Variants in GSS observed in about 807,000 individuals in gnomAD.
GSS encodes the protein glutathione synthetase.
In GSS, 34 loss-of-function variants were observed where a neutral mutation model predicts 60.4. That is an observed-to-expected ratio of 0.56 (90% confidence interval 0.43 to 0.75). The LOEUF is 0.75. Among genes scored for constraint, GSS ranks in the 30% least tolerant of loss-of-function variants. The probability of loss-of-function intolerance (pLI) is 0.00; values close to 1 mark genes in which losing one functional copy is unlikely to be tolerated. For missense variants in GSS, 499 were observed against 595.1 expected, an observed-to-expected ratio of 0.84 and a Z score of 1.68; for synonymous variants, 224 against 239.0, an observed-to-expected ratio of 0.94 and a Z score of 0.58.
intron 1 of GSS, among the ~76,000 whole-genome samples, chr20:34,954,086 C>T (rs1340510725): frequency 6.6e-6 from 1 of 152,228 alleles, no homozygotes; most frequent in Non-Finnish European, 1.5e-5. Flanking sequence ...GACAAGAACC[C>T]ATTACCTTGA....
chr20:34,952,394 C>A lies in GSS; in HGVS notation c.-8-534G>T, dbSNP rs557923952. On this transcript the variant is annotated intron_variant, in intron 1 of 12. Coordinates refer to ENST00000651619, the MANE Select transcript of GSS (RefSeq NM_000178.4). Reference sequence around the variant, plus strand: ...AGATTCCTGGGCCCCATCCCAGAGACTCTGATGCAAGAGGCCTGATGGGAA... The same window carrying A: ...AGATTCCTGGGCCCCATCCCAGAGAATCTGATGCAAGAGGCCTGATGGGAA... 21 of 166,634 alleles carry A rather than the reference C, an allele frequency of 1.3e-4. 1 individual carries two copies. Among genetic ancestry groups the A allele is most frequent in the Non-Finnish European group, 2.1e-4 (16 of 75,714 alleles). The allele number at this position is 166,634 out of a possible 1,614,324, so 10.3% of individuals were successfully genotyped here.
intron 2 of GSS, among the ~76,000 whole-genome samples, chr20:34,948,228 G>T (rs1354030774): frequency 6.6e-6 from 1 of 152,112 alleles, no homozygotes; most frequent in African/African-American, 2.4e-5. Flanking sequence ...TACATAAGGG[G>T]TGACCTAATA....
In GSS at chr20:34,928,488, C is replaced by T; in HGVS notation, c.*340G>A. ...GAATTAGGGAAAGGCTATGCCCCTCCACTCCCCCTCCTCCTACCACTCAGT... is the reference window on the plus strand; with the variant it reads ...GAATTAGGGAAAGGCTATGCCCCTCTACTCCCCCTCCTCCTACCACTCAGT... On this transcript the variant is annotated 3_prime_UTR_variant, in exon 13 of 13. Transcript: ENST00000651619. 1 of 425,110 alleles carries T rather than the reference C, an allele frequency of 2.4e-6. No individual in the cohort carries two copies. The highest frequency in any genetic ancestry group is 4.4e-6 in the Non-Finnish European group (1 of 227,674). The allele number at this position is 425,110 out of a possible 1,614,324, so 26.3% of individuals were successfully genotyped here.
At chr20:34,953,292 C>T (rs1005117875) in intron 1 of GSS, among the ~76,000 whole-genome samples, 7 of 151,112 alleles carry the variant, frequency 4.6e-5, no homozygotes, top group African/African-American at 1.7e-4. Context: ...TCAGCTCTGT[C>T]CCCCTGTCCC....
chr20:34,931,225 C>T (rs1232391907), intron 11 of GSS, 111 bp downstream of exon 11: 15 of 877,962 alleles, frequency 1.7e-5, no homozygotes, highest in East Asian at 1.5e-4. Context: ...GTGTCAGTTC[C>T]AATAGTTTCC....
At chr20:34,949,731 T>C (rs1354585759) in intron 2 of GSS, 1 of 152,212 alleles carries the variant, frequency 6.6e-6, no homozygotes, top group Non-Finnish European at 1.5e-5. Context: ...TTATCTCTGT[T>C]GTGGTGAGGA....
chr20:34,932,099 T>C lies in GSS; in HGVS notation c.869A>G (p.His290Arg), dbSNP rs1369356960. 18 of 1,613,940 alleles carry C rather than the reference T, an allele frequency of 1.1e-5. No homozygotes were observed. Among genetic ancestry groups the C allele is most frequent in the East Asian group, 2.2e-5 (1 of 44,878 alleles). Residue 290 changes from histidine (H) to arginine (R), a missense_variant, in exon 10 of 13, where the codon CAT becomes CGT. Physicochemically the swap from His to Arg is conservative, Grantham distance 29. Coordinates refer to ENST00000651619, the MANE Select transcript of GSS (RefSeq NM_000178.4). ...GGCAATGTCTGGGCACTTGGCAGCA[T>C]GTGACCTCTCCAGCAGTAGACGTGC... The part of the protein sequence containing the change: ...WEARLLLERS[H>R]AAKCPDIATQ...
chr20:34,931,197 C>A, intron 11 of GSS, 139 bp downstream of exon 11: 2 of 750,146 alleles, frequency 2.7e-6, no homozygotes, highest in Middle Eastern at 3.3e-4. Flanking sequence ...TTAGGGGACA[C>A]TGTCCAACAT....
At chr20:34,931,265 T>C (rs2081398694) in intron 11 of GSS, 71 bp downstream of exon 11, 9 of 1,180,142 alleles carry the variant, frequency 7.6e-6, no homozygotes, top group Non-Finnish European at 1.1e-5. Flanking sequence ...CCAGAGTAAG[T>C]GCCAATGAGC....
rs1569018935 is a variant in GSS at position 34,951,742 on chromosome 20, C to T, written c.111G>A (p.Gln37=). The T allele has an allele frequency of 1.2e-6, 2 of 1,610,404 alleles. No individual in the cohort carries two copies. Among genetic ancestry groups the T allele is most frequent in the East Asian group, 4.5e-5 (2 of 44,808 alleles). Residue 37 remains glutamine (Q), a synonymous_variant, in exon 2 of 13, where the codon CAG becomes CAA. Transcript: ENST00000651619. ...GGCTTACCTCCGAGGAAGTGGGCTC[C>T]TGTGAGGTCCTCAGCAATACTCCCT... ...LAEGVLLRTS[Q]EPTSSEVVSY...
intron 12 of GSS, 106 bp downstream of exon 12, chr20:34,929,295 G>A (rs962561966): frequency 1.4e-5 from 14 of 994,830 alleles, no homozygotes; most frequent in Middle Eastern, 2.6e-4. Context: ...AGCTGGCACC[G>A]AAGCCCAGGA....
intron 6 of GSS, among the ~76,000 whole-genome samples, chr20:34,939,761 C>T (rs1459479674): frequency 6.6e-6 from 1 of 151,754 alleles, no homozygotes; most frequent in Non-Finnish European, 1.5e-5. Flanking sequence ...TTCCACCTCC[C>T]GGGTTCAAGT....
At chr20:34,934,197 C>T (rs1360756284) in intron 9 of GSS, 1 of 151,776 alleles carries the variant, frequency 6.6e-6, no homozygotes, top group East Asian at 1.9e-4. Flanking sequence ...AAAAAGTCTA[C>T]CTCTTTAAAC....
At chr20:34,930,638 C>G (rs931036769) in intron 11 of GSS, among the ~76,000 whole-genome samples, 1 of 152,182 alleles carries the variant, frequency 6.6e-6, no homozygotes, top group African/African-American at 2.4e-5. Flanking sequence ...GTAAGTTTTG[C>G]AAGTTCCCAC....
At chr20:34,929,990 G>T (rs192765468) in intron 11 of GSS, among the ~76,000 whole-genome samples, 4 of 151,980 alleles carry the variant, frequency 2.6e-5, no homozygotes, top group Non-Finnish European at 5.9e-5. Flanking sequence ...ACTTCCGGCC[G>T]GGCATGGTGG....
rs1211758840 is a variant in GSS at position 34,941,784 on chromosome 20, G to A, written c.537C>T (p.Ile179=). The change falls in exon 6 of 13, where the codon ATC becomes ATT. Residue 179 remains isoleucine (I), a synonymous_variant. Transcript: ENST00000651619. The stretch of plus-strand genomic sequence containing the variant: ...GTCCCTTGCTGGGATTATTAGAGAG[G>A]ATCTTGCCAGCTTCTTTGGTCTTAC... ...VLSKTKEAGK[I]LSNNPSKGLA... 3 of 1,611,552 alleles carry A rather than the reference G, an allele frequency of 1.9e-6. No homozygotes were observed. The highest frequency in any genetic ancestry group is 4.5e-5 in the East Asian group (2 of 44,872).
chr20:34,950,253 T>C (rs1235073996), intron 2 of GSS: 1 of 152,120 alleles, frequency 6.6e-6, no homozygotes, highest in Non-Finnish European at 1.5e-5. Context: ...GCCCAAGCAA[T>C]TCTATTCCAT....
chr20:34,938,371 T>C (rs1458447017), intron 6 of GSS, among the ~76,000 whole-genome samples: 1 of 152,234 alleles, frequency 6.6e-6, no homozygotes, highest in Non-Finnish European at 1.5e-5. Context: ...AGCCAAAATA[T>C]AGGTCTTAGT....
chr20:34,945,829 CT>C, intron 3 of GSS, 123 bp downstream of exon 3: 1 of 1,036,674 alleles, frequency 9.6e-7, no homozygotes. Context: ...ACTTTTTGTT[CT>C]TTGGAGGTAC....
Sources: gnomAD v4.1 joint callset for allele counts (sites outside exome capture counted in the v4.1 genomes callset) on GRCh38, gnomAD v4.1.1 for gene constraint, MANE v1.5 for transcripts, NCBI Gene and HGNC (gene_info 2026-07-23, HGNC 2026-07-21) for gene names.